SH3RF3: variants seen among roughly 807,000 people sequenced by gnomAD.
SH3RF3 encodes SH3 domain containing ring finger 3, also known as E3 ubiquitin-protein ligase SH3RF3.
In SH3RF3, 29 loss-of-function variants were observed where a neutral mutation model predicts 66.3. That is an observed-to-expected ratio of 0.44 (90% CI 0.33 to 0.60). The LOEUF (loss-of-function observed/expected upper bound fraction) is 0.60, where lower values mean the gene tolerates loss of function less well. Among genes scored for constraint, SH3RF3 ranks in the 20% least tolerant of loss-of-function variants. The pLI, the probability that SH3RF3 is intolerant of heterozygous loss-of-function variation, is 0.04. For missense variants in SH3RF3, 1,194 were observed against 1,190.9 expected (o/e 1.00, Z -0.04); for synonymous variants, 583 against 532.0 (o/e 1.10, Z -1.32).
intron 4 of SH3RF3, among the ~76,000 whole-genome samples, chr2:109,412,474 C>T (rs1469794711): frequency 6.6e-6 from 1 of 152,232 alleles, no homozygotes; most frequent in Non-Finnish European, 1.5e-5. Context: ...GTAACAACAG[C>T]AGGACCAGTG....
intron 2 of SH3RF3, among the ~76,000 whole-genome samples, chr2:109,362,142 A>G (rs1683061071): frequency 6.6e-6 from 1 of 152,030 alleles, no homozygotes; most frequent in Non-Finnish European, 1.5e-5. Context: ...AGTGTCCTAA[A>G]GTGAAGATTT....
At chr2:109,218,304 G>T (rs913393844) in intron 1 of SH3RF3, among the ~76,000 whole-genome samples, 7 of 152,154 alleles carry the variant, frequency 4.6e-5, no homozygotes, top group Admixed American at 2.0e-4. Flanking sequence ...CCGTTTTTGT[G>T]GCTTAGAGGA....
intron 3 of SH3RF3, among the ~76,000 whole-genome samples, chr2:109,384,114 G>T (rs2104388816): frequency 6.6e-6 from 1 of 152,310 alleles, no homozygotes; most frequent in Admixed American, 6.5e-5. Context: ...ACATCCCACT[G>T]CTGGGCAGGG....
At chr2:109,378,657 C>A (rs1413537527) in intron 3 of SH3RF3, among the ~76,000 whole-genome samples, 1 of 152,182 alleles carries the variant, frequency 6.6e-6, no homozygotes, top group Admixed American at 6.5e-5. Context: ...TTTTGAGGCT[C>A]GCTTTGAGGC....
intron 2 of SH3RF3, among the ~76,000 whole-genome samples, chr2:109,368,721 AAAG>A (rs761017479): frequency 5.5e-5 from 8 of 146,382 alleles, no homozygotes; most frequent in Admixed American, 1.3e-4. Context: ...AAAAAAAAAA[AAAG>A]AAAAAGAAAA....
At chr2:109,459,546 A>G (rs1242054893) in intron 8 of SH3RF3, among the ~76,000 whole-genome samples, 1 of 152,122 alleles carries the variant, frequency 6.6e-6, no homozygotes, top group Non-Finnish European at 1.5e-5. Flanking sequence ...AGACACCCCA[A>G]GGGATCTCCT....
intron 1 of SH3RF3, among the ~76,000 whole-genome samples, chr2:109,231,782 C>T (rs1427177766): frequency 6.6e-6 from 1 of 152,166 alleles, no homozygotes; most frequent in Admixed American, 6.5e-5. Context: ...ATCTTCTATT[C>T]CTTGTTCTCC....
intron 1 of SH3RF3, among the ~76,000 whole-genome samples, chr2:109,264,993 G>A (rs1680455214): frequency 6.6e-6 from 1 of 152,228 alleles, no homozygotes; most frequent in Admixed American, 6.5e-5. Flanking sequence ...ATAGCCGCAT[G>A]CTCTGTCTTA....
At chr2:109,210,041 G>A (rs937863182) in intron 1 of SH3RF3, among the ~76,000 whole-genome samples, 1 of 152,164 alleles carries the variant, frequency 6.6e-6, no homozygotes, top group Admixed American at 6.5e-5. Flanking sequence ...TCTAGGGACC[G>A]CAGAGTCAAA....
chr2:109,492,749 AC>A (rs1293083391), intron 9 of SH3RF3, among the ~76,000 whole-genome samples: 2 of 152,096 alleles, frequency 1.3e-5, no homozygotes, highest in Non-Finnish European at 2.9e-5. Context: ...GCCCTGAGCT[AC>A]CTCTCTGTAG....
At chr2:109,408,997 G>A (rs1414794956) in intron 4 of SH3RF3, among the ~76,000 whole-genome samples, 1 of 152,204 alleles carries the variant, frequency 6.6e-6, no homozygotes, top group African/African-American at 2.4e-5. Flanking sequence ...TCTTAGCTGA[G>A]GCTTGGGAAG....
chr2:109,365,844 C>T (rs1432055186), intron 2 of SH3RF3, among the ~76,000 whole-genome samples: 4 of 152,174 alleles, frequency 2.6e-5, no homozygotes, highest in African/African-American at 9.7e-5. Context: ...ATCCCTTTCA[C>T]TGTTAAATTG....
intron 1 of SH3RF3, among the ~76,000 whole-genome samples, chr2:109,335,745 A>C (rs934998626): frequency 1.3e-5 from 2 of 152,212 alleles, no homozygotes; most frequent in African/African-American, 4.8e-5. Flanking sequence ...CCCCACAAGT[A>C]ACGGGCACTC....
chr2:109,499,980 G>T (rs1679349048), intron 9 of SH3RF3, among the ~76,000 whole-genome samples: 1 of 152,122 alleles, frequency 6.6e-6, no homozygotes, highest in Non-Finnish European at 1.5e-5. Context: ...TCAGGAGAGT[G>T]GGGGAAGTGA....
chr2:109,445,929 C>T (rs1238919303), intron 7 of SH3RF3, among the ~76,000 whole-genome samples: 1 of 152,114 alleles, frequency 6.6e-6, no homozygotes, highest in East Asian at 1.9e-4. Context: ...AGTGAGGGCT[C>T]ACAGTCCTTG....
intron 8 of SH3RF3, among the ~76,000 whole-genome samples, chr2:109,457,612 C>A (rs74903611): frequency 0.029 from 4,410 of 152,344 alleles, 88 homozygotes; most frequent in Middle Eastern, 0.044. Flanking sequence ...GCGAGCGATG[C>A]ACACACTGCA....
chr2:109,451,311 C>A (rs989876458), intron 8 of SH3RF3, among the ~76,000 whole-genome samples: 33 of 152,304 alleles, frequency 2.2e-4, no homozygotes, highest in African/African-American at 7.7e-4. Context: ...GTGGCTGGGT[C>A]TCATCAGGAG....
intron 1 of SH3RF3, among the ~76,000 whole-genome samples, chr2:109,311,489 C>T (rs1212869671): frequency 6.7e-6 from 1 of 149,264 alleles, no homozygotes; most frequent in Admixed American, 6.7e-5. Context: ...GAAGTTCTGG[C>T]CAGGGCAATT....
At chr2:109,142,573 G>A (rs967899721) in intron 1 of SH3RF3, among the ~76,000 whole-genome samples, 3 of 152,162 alleles carry the variant, frequency 2.0e-5, no homozygotes, top group Admixed American at 6.5e-5. Flanking sequence ...AGTGGCTGAG[G>A]GAGGAGGATT....
Sources: allele counts gnomAD v4.1 joint callset (sites outside exome capture counted in the v4.1 genomes callset), GRCh38; gene constraint gnomAD v4.1.1; transcripts MANE v1.5; gene names NCBI Gene and HGNC (gene_info 2026-07-23, HGNC 2026-07-21).